The following RERE variants were observed in gnomAD, a reference collection of about 807,000 sequenced individuals.
RERE encodes the protein arginine-glutamic acid dipeptide repeats protein.
A neutral mutation model predicts 146.1 loss-of-function variants in RERE; 40 were observed. The ratio of observed to expected loss-of-function variants is 0.27; its 90% CI spans 0.21 to 0.36. The LOEUF is 0.36. RERE is among the 10% of genes least tolerant of loss of function. The probability of loss-of-function intolerance (pLI) is 1.00; values close to 1 mark genes in which losing one functional copy is unlikely to be tolerated. For missense variants in RERE, 1,933 were observed against 2,138.7 expected, an observed-to-expected ratio of 0.90 and a Z score of 1.90; for synonymous variants, 1,003 against 866.0, an observed-to-expected ratio of 1.16 and a Z score of -2.78.
intron 7 of RERE, chr1:8,511,847 A>AC (rs1184961824): frequency 4.8e-5 from 7 of 144,756 alleles, no homozygotes; most frequent in African/African-American, 1.8e-4. Context: ...CAGCCACAAC[A>AC]CCCCAGAATG....
At chr1:8,519,803 A>T (rs1309391004) in intron 7 of RERE, 5 of 152,132 alleles carry the variant, frequency 3.3e-5, no homozygotes, top group Non-Finnish European at 7.3e-5. Flanking sequence ...CTGGAAGTAC[A>T]TGCGGGTAAG....
At position 8,358,449 on chromosome 1, in the gene RERE, G is replaced by A. The variant is rs748470991; in HGVS notation, c.4086C>T (p.His1362=). Residue 1362 remains histidine (H), a synonymous_variant, in exon 20 of 23, where the codon CAC becomes CAT. Transcript: ENST00000400908. ...ALTIPPTAGP[H]PFASFHPGLN... The stretch of plus-strand genomic sequence containing the variant: ...GGCCCGGGTGGAAAGAAGCAAAAGG[G>A]TGGGGCCCGGCGGTCGGGGGGATGG... The A allele has an allele frequency of 6.3e-7, 1 of 1,590,070 alleles. No homozygotes were observed. The highest frequency in any genetic ancestry group is 1.3e-5 in the African/African-American group (1 of 74,604).
intron 4 of RERE, among the ~76,000 whole-genome samples, chr1:8,601,495 CTGTT>C (rs983984034): frequency 2.6e-5 from 4 of 152,044 alleles, no homozygotes; most frequent in African/African-American, 7.2e-5. Context: ...GGTGACAAGA[CTGTT>C]TGAGAGTGGG....
intron 10 of RERE, among the ~76,000 whole-genome samples, chr1:8,484,778 A>G (rs1389074398): frequency 2.0e-5 from 3 of 152,236 alleles, no homozygotes; most frequent in Non-Finnish European, 4.4e-5. Flanking sequence ...AAAATAAAAC[A>G]TATCATTGCT....
intron 1 of RERE, among the ~76,000 whole-genome samples, chr1:8,759,995 T>C (rs1159553349): frequency 2.6e-5 from 4 of 152,266 alleles, no homozygotes; most frequent in Admixed American, 2.0e-4. Flanking sequence ...CCCAAGTAAA[T>C]AGACCTAGGC....
In RERE at chr1:8,656,308, G is replaced by T; in HGVS notation, c.-11C>A. The T allele has an allele frequency of 3.7e-6, 6 of 1,610,926 alleles. No homozygotes were observed. The highest frequency in any genetic ancestry group is 5.1e-6 in the Non-Finnish European group (6 of 1,178,546). ...TTTGTCCGCTGTCATGATTCGCCAC[G>T]TGCCTTCTTCTGTCCTCTCACGGCT... On this transcript the variant is annotated 5_prime_UTR_variant, in exon 2 of 23. Transcript: ENST00000400908.
chr1:8,433,912 G>A (rs1002744588), intron 11 of RERE, among the ~76,000 whole-genome samples: 1 of 152,190 alleles, frequency 6.6e-6, no homozygotes, highest in African/African-American at 2.4e-5. Flanking sequence ...CAGCTGTTTA[G>A]CTGACACAGA....
Position 8,361,051 on chromosome 1 carries a change from T to TGCG in RERE, c.2453_2455dup (p.Pro818dup), listed in dbSNP as rs1641553801. On this transcript the variant is annotated inframe_insertion, in exon 18 of 23. Coordinates refer to ENST00000400908, the MANE Select transcript of RERE (RefSeq NM_001042681.2). Reference sequence around the variant, plus strand: ...CTGCAGCGGGGGATGTGGCGAGGGATGCGGCGGGGGATGCGGTGAGGGCGG... The same window carrying TGCG: ...CTGCAGCGGGGGATGTGGCGAGGGATGCGGCGGCGGGGGATGCGGTGAGGGCGG... 1 of 1,424,968 alleles carries TGCG rather than the reference T, an allele frequency of 7.0e-7. No individual in the cohort carries two copies. The allele number at this position is 1,424,968 out of a possible 1,614,324, so 88.3% of individuals were successfully genotyped here.
intron 1 of RERE, among the ~76,000 whole-genome samples, chr1:8,675,574 T>C (rs953382985): frequency 1.3e-5 from 2 of 151,156 alleles, no homozygotes; most frequent in Admixed American, 6.6e-5. Context: ...CTCGGGAGGA[T>C]TAGCCAGGTG....
intron 11 of RERE, among the ~76,000 whole-genome samples, chr1:8,444,747 G>A (rs1346312616): frequency 6.6e-6 from 1 of 152,086 alleles, no homozygotes; most frequent in Non-Finnish European, 1.5e-5. Context: ...GTTTAAAAGT[G>A]TGTAGCAGCC....
chr1:8,626,266 G>A (rs75368146), intron 2 of RERE, among the ~76,000 whole-genome samples: 2 of 152,176 alleles, frequency 1.3e-5, no homozygotes, highest in South Asian at 2.1e-4. Flanking sequence ...TTAGTTTCCT[G>A]TGTTTCAGTC....
chr1:8,651,718 T>C (rs558062941), intron 2 of RERE, among the ~76,000 whole-genome samples: 292 of 146,978 alleles, frequency 2.0e-3, no homozygotes, highest in Non-Finnish European at 3.3e-3. Flanking sequence ...CAATACCCTG[T>C]CTCAAAAGAA....
At chr1:8,732,789 T>C (rs1482426905) in intron 1 of RERE, among the ~76,000 whole-genome samples, 2 of 149,854 alleles carry the variant, frequency 1.3e-5, no homozygotes, top group Admixed American at 6.7e-5. Context: ...TTATACTATC[T>C]GCCCAATTTT....
At chr1:8,691,700 T>C (rs1210501966) in intron 1 of RERE, among the ~76,000 whole-genome samples, 1 of 152,146 alleles carries the variant, frequency 6.6e-6, no homozygotes, top group Non-Finnish European at 1.5e-5. Context: ...TAAGGACCTG[T>C]AACAAGAATT....
chr1:8,595,023 G>C (rs1486072614), intron 4 of RERE, among the ~76,000 whole-genome samples: 1 of 151,992 alleles, frequency 6.6e-6, no homozygotes, highest in East Asian at 1.9e-4. Context: ...GCCAGGTGTG[G>C]TGGCATGTGC....
intron 12 of RERE, among the ~76,000 whole-genome samples, chr1:8,401,230 T>C (rs149203612): frequency 2.8e-4 from 43 of 151,256 alleles, no homozygotes; most frequent in African/African-American, 1.0e-3. Flanking sequence ...CAGTGAGTTA[T>C]ATTACGTAGC....
intron 10 of RERE, among the ~76,000 whole-genome samples, chr1:8,486,495 C>A (rs1308394401): frequency 6.6e-6 from 1 of 151,770 alleles, no homozygotes; most frequent in Non-Finnish European, 1.5e-5. Flanking sequence ...CATTTTTGAA[C>A]AGAATAATAG....
chr1:8,362,918 A>G, intron 15 of RERE, 74 bp from the exon 16 acceptor site: 1 of 1,530,546 alleles, frequency 6.5e-7, no homozygotes, highest in Non-Finnish European at 8.9e-7. Context: ...CCCAACCCAC[A>G]GGCAGAAGCC....
intron 2 of RERE, among the ~76,000 whole-genome samples, chr1:8,628,151 G>C (rs1238217104): frequency 6.6e-6 from 1 of 152,140 alleles, no homozygotes; most frequent in East Asian, 1.9e-4. Flanking sequence ...CAATACACAA[G>C]GTTAATAATC....
Sources: allele counts gnomAD v4.1 joint callset (sites outside exome capture counted in the v4.1 genomes callset), GRCh38; gene constraint gnomAD v4.1.1; transcripts MANE v1.5; gene names NCBI Gene and HGNC (gene_info 2026-07-23, HGNC 2026-07-21).